MTHFS: variants seen among roughly 807,000 people sequenced by gnomAD.
MTHFS encodes the protein methenyltetrahydrofolate synthetase.
Under a neutral mutation model 12.7 loss-of-function variants are expected in MTHFS, and 7 were observed. The observed-to-expected ratio is 0.55, with a 90% CI of 0.31 to 1.03. The LOEUF (loss-of-function observed/expected upper bound fraction) is 1.03, where lower values mean the gene tolerates loss of function less well. Ranked by LOEUF, MTHFS falls within the 50% of genes least tolerant of loss-of-function variation. The pLI, the probability that MTHFS is intolerant of heterozygous loss-of-function variation, is 0.05. For synonymous variants in MTHFS, 100 were observed against 97.1 expected (o/e 1.03, Z -0.18); for missense variants, 252 against 258.1 (o/e 0.98, Z 0.16).
chr15:79,857,370 C>T (rs2033829390), intron 2 of MTHFS, among the ~76,000 whole-genome samples: 1 of 152,144 alleles, frequency 6.6e-6, no homozygotes, highest in Admixed American at 6.5e-5. Flanking sequence ...GAAACTTCTT[C>T]CTGTCTTTCA....
rs141216556 is a variant in MTHFS at position 79,845,822 on chromosome 15, G to A, written c.380-380C>T. ...CCCAGGATAATGACAGTTGGAGGGC[G>A]GGAAACAGTCAAGGAGGAGCCATAA... On this transcript the variant is annotated intron_variant, in intron 2 of 2. Coordinates refer to ENST00000258874, the MANE Select transcript of MTHFS (RefSeq NM_006441.4). Among the ~76,000 whole-genome samples, 55 of 152,242 alleles carry A rather than the reference G, an allele frequency of 3.6e-4. No individual in the cohort carries two copies. In the East Asian group the frequency reaches 6.8e-3, roughly 19 times the overall value.
Position 79,889,212 on chromosome 15 carries a change from C to A in MTHFS, c.260G>T (p.Ser87Ile). Residue 87 changes from serine (S) to isoleucine (I), a missense_variant, in exon 2 of 3, where the codon AGC becomes ATC. Physicochemically the swap from Ser to Ile is moderately radical, Grantham distance 142. Transcript: ENST00000258874. Reference sequence around the variant, plus strand: ...TATTCTCACCATATCCATGTGATTGCTCTGGAACCGGTACCGAGGGATGAA... The same window carrying A: ...TATTCTCACCATATCCATGTGATTGATCTGGAACCGGTACCGAGGGATGAA... ...ICFIPRYRFQ[S>I]NHMDMVRIES... The A allele has an allele frequency of 1.9e-6, 3 of 1,614,170 alleles. No homozygotes were observed. The highest frequency in any genetic ancestry group is 1.3e-5 in the African/African-American group (1 of 75,034).
chr15:79,866,155 G>A (rs1336625976), intron 2 of MTHFS, among the ~76,000 whole-genome samples: 1 of 151,960 alleles, frequency 6.6e-6, no homozygotes, highest in Non-Finnish European at 1.5e-5. Context: ...AACAAATCCA[G>A]CAGCAGGAAT....
intron 2 of MTHFS, among the ~76,000 whole-genome samples, chr15:79,888,335 G>A (rs572897868): frequency 2.9e-4 from 44 of 152,256 alleles, no homozygotes; most frequent in African/African-American, 8.2e-4. Flanking sequence ...GAAGAACCTC[G>A]TTAAGGAGGG....
At chr15:79,856,128 C>A (rs949919461) in intron 2 of MTHFS, among the ~76,000 whole-genome samples, 26 of 152,184 alleles carry the variant, frequency 1.7e-4, no homozygotes, top group African/African-American at 6.3e-4. Flanking sequence ...ATTTACACTT[C>A]CACCAGCAAT....
chr15:79,845,221 A>T lies in MTHFS; in HGVS notation c.601T>A (p.Ser201Thr). Residue 201 changes from serine to threonine, a missense_variant, in exon 3 of 3, where the codon TCA becomes ACA. By Grantham distance (58) the Ser-to-Thr change is moderately conservative. Transcript: ENST00000258874. ...GTAGTAATCCAGATTTAAGCTGTTG[A>T]CGAGTCTTCGTAAAGGACTTCATCT... Reference protein sequence around the residue: ...KVDEVLYEDSSTA With the variant: ...KVDEVLYEDSTTA The T allele has an allele frequency of 6.2e-7, 1 of 1,614,204 alleles. No individual in the cohort carries two copies. Among genetic ancestry groups the T allele is most frequent in the Non-Finnish European group, 8.5e-7 (1 of 1,180,018 alleles).
At position 79,845,368 on chromosome 15, in the gene MTHFS, A is replaced by G. The variant is rs1566985120; in HGVS notation, c.454T>C (p.Tyr152His). The G allele has an allele frequency of 1.2e-6, 2 of 1,614,232 alleles. No individual in the cohort carries two copies. Among genetic ancestry groups the G allele is most frequent in the Non-Finnish European group, 1.7e-6 (2 of 1,180,042 alleles). ...CAGCGCTTCAGATAGGCATCATAGT[A>G]GCCCTTGCCCCTCCCCAGTCGGTTG... ...HGNRLGRGKG[Y>H]YDAYLKRCLQ... Residue 152 changes from tyrosine to histidine, a missense_variant, in exon 3 of 3, where the codon TAC becomes CAC. By Grantham distance (83) the Tyr-to-His change is moderately conservative (BLOSUM62 2). Transcript: ENST00000258874.
intron 2 of MTHFS, among the ~76,000 whole-genome samples, chr15:79,888,615 A>C (rs2034419682): frequency 1.3e-5 from 2 of 152,222 alleles, no homozygotes; most frequent in South Asian, 4.1e-4. Context: ...TAAAATCATT[A>C]GGACTTAACA....
chr15:79,883,641 T>C (rs1054940350), intron 2 of MTHFS, among the ~76,000 whole-genome samples: 5 of 152,192 alleles, frequency 3.3e-5, no homozygotes, highest in African/African-American at 1.2e-4. Flanking sequence ...ATAACTGCCA[T>C]GTATTGATCT....
intron 1 of MTHFS, among the ~76,000 whole-genome samples, chr15:79,896,433 CTCG>C (rs2034568908): frequency 6.6e-6 from 1 of 152,218 alleles, no homozygotes; most frequent in Non-Finnish European, 1.5e-5. Flanking sequence ...CGGAGTCTTA[CTCG>C]TAGCTCATTA....
intron 2 of MTHFS, among the ~76,000 whole-genome samples, chr15:79,853,491 A>G (rs2033749377): frequency 6.6e-6 from 1 of 152,220 alleles, no homozygotes; most frequent in South Asian, 2.1e-4. Flanking sequence ...TAGAGGGACT[A>G]AATAAAGGAG....
At chr15:79,888,235 A>C (rs1466625351) in intron 2 of MTHFS, among the ~76,000 whole-genome samples, 1 of 152,190 alleles carries the variant, frequency 6.6e-6, no homozygotes. Context: ...TGGAGTTGGG[A>C]AACAGAGATA....
chr15:79,863,341 T>C (rs568373746), intron 2 of MTHFS, among the ~76,000 whole-genome samples: 25 of 152,214 alleles, frequency 1.6e-4, no homozygotes, highest in Non-Finnish European at 2.9e-4. Flanking sequence ...CTAGTCATGT[T>C]ACTCCTATGA....
chr15:79,892,735 G>A (rs2141380258), intron 1 of MTHFS, among the ~76,000 whole-genome samples: 1 of 152,224 alleles, frequency 6.6e-6, no homozygotes, highest in Middle Eastern at 3.4e-3. Flanking sequence ...GGTGGATCAT[G>A]AGGTCAAGAG....
In MTHFS at chr15:79,889,477, G is replaced by T. The variant is rs527240352; in HGVS notation, c.118-123C>A. The T allele has an allele frequency of 1.5e-4, 208 of 1,381,164 alleles. 2 individuals are homozygous for T. In the African/African-American group the frequency reaches 2.4e-3, roughly 16 times the overall value. 85.6% of individuals were successfully genotyped at this position (1,381,164 alleles called of 1,614,324 possible). On this transcript the variant is annotated intron_variant, in intron 1 of 2. Transcript: ENST00000258874. Reference sequence around the variant, plus strand: ...TAAATATTAAAAAGAAAAAAAAAGGGGGGGGGACCAGAGTGATATAGTGGG... The same window carrying T: ...TAAATATTAAAAAGAAAAAAAAAGGTGGGGGGACCAGAGTGATATAGTGGG...
At chr15:79,878,542 C>T (rs1222503432) in intron 2 of MTHFS, among the ~76,000 whole-genome samples, 2 of 149,366 alleles carry the variant, frequency 1.3e-5, no homozygotes, top group Non-Finnish European at 3.0e-5. Context: ...AGGCTTATTC[C>T]ATGGCCTTCA....
rs142905515 is a variant in MTHFS at position 79,860,547 on chromosome 15, T to G, written c.380-15105A>C. On this transcript the variant is annotated intron_variant, in intron 2 of 2. Transcript: ENST00000258874. Reference sequence around the variant, plus strand: ...AGAAATGGGGCAAAGAACAGCACTTTACAAAAGATGAATTAGAAAGGTTAA... The same window carrying G: ...AGAAATGGGGCAAAGAACAGCACTTGACAAAAGATGAATTAGAAAGGTTAA... 2.9e-3 allele frequency among the ~76,000 whole-genome samples: 445 copies of G among 152,252 alleles called. 1 individual carries two copies. The highest frequency in any genetic ancestry group is 0.017 in the Middle Eastern group (5 of 294).
chr15:79,889,473 A>C (rs2034436190), intron 1 of MTHFS, 119 bp from the exon 2 acceptor site: 159 of 1,224,876 alleles, frequency 1.3e-4, no homozygotes, highest in Middle Eastern at 6.2e-4. Flanking sequence ...AAGAAAAAAA[A>C]AGGGGGGGGG....
chr15:79,845,306 C>G lies in MTHFS; in HGVS notation c.516G>C (p.Ala172=). ...QHQEVKPYTL[A]LAFKEQICLQ... ...GGCAAATCTGTTCTTTGAAAGCCAA[C>G]GCCAGGGTGTAGGGCTTCACTTCCT... Residue 172 remains alanine, a synonymous_variant, in exon 3 of 3, where the codon GCG becomes GCC. Coordinates refer to ENST00000258874, the MANE Select transcript of MTHFS (RefSeq NM_006441.4). The G allele has an allele frequency of 1.2e-6, 2 of 1,614,140 alleles. No homozygotes were observed. Among genetic ancestry groups the G allele is most frequent in the Non-Finnish European group, 1.7e-6 (2 of 1,180,022 alleles).
Sources: allele counts gnomAD v4.1 joint callset (sites outside exome capture counted in the v4.1 genomes callset), GRCh38; gene constraint gnomAD v4.1.1; transcripts MANE v1.5; gene names NCBI Gene and HGNC (gene_info 2026-07-23, HGNC 2026-07-21).